SHCBP1: variants seen among roughly 807,000 people sequenced by gnomAD.
SHCBP1 encodes SHC SH2 domain-binding protein 1.
A neutral mutation model predicts 75.1 loss-of-function variants in SHCBP1; 60 were observed. That is an observed-to-expected ratio of 0.80 (90% CI 0.65 to 0.99). The LOEUF (loss-of-function observed/expected upper bound fraction) is 0.99, where lower values mean the gene tolerates loss of function less well. Ranked by LOEUF, SHCBP1 falls within the 50% of genes least tolerant of loss-of-function variation. SHCBP1 has a pLI of 0.00. For synonymous variants in SHCBP1, 290 were observed against 293.2 expected (o/e 0.99, Z 0.11); for missense variants, 709 against 809.4 (o/e 0.88, Z 1.50).
At chr16:46,595,415 A>C in intron 10 of SHCBP1, 137 bp downstream of exon 10, 2 of 745,722 alleles carry the variant, frequency 2.7e-6, no homozygotes, top group South Asian at 3.0e-5. Flanking sequence ...ACCCTTGCAC[A>C]GTTGAGTTTG....
chr16:46,597,484 CTAT>C (rs375861766), intron 9 of SHCBP1, among the ~76,000 whole-genome samples: 16 of 152,304 alleles, frequency 1.1e-4, no homozygotes, highest in South Asian at 1.0e-3. Flanking sequence ...TATAATGCAT[CTAT>C]TAAGTGTACA....
Position 46,599,826 on chromosome 16 carries a change from C to G in SHCBP1, c.1345+5G>C. 6.3e-7 allele frequency: 1 copy of G among 1,597,026 alleles called. No individual in the cohort carries two copies. Among genetic ancestry groups the G allele is most frequent in the Non-Finnish European group, 8.5e-7 (1 of 1,174,174 alleles). On this transcript the variant is annotated splice_donor_5th_base_variant and intron_variant, in intron 9 of 12. Transcript: ENST00000303383. ...AAATGATATACCAAACATTCAGATA[C>G]TTACTTAAGATTCCCTCTACAGCAT...
Position 46,581,946 on chromosome 16 carries a change from C to G in SHCBP1, c.1802G>C (p.Arg601Thr). The G allele has an allele frequency of 6.2e-7, 1 of 1,614,196 alleles. No homozygotes were observed. Among genetic ancestry groups the G allele is most frequent in the Non-Finnish European group, 8.5e-7 (1 of 1,180,026 alleles). Residue 601 changes from arginine to threonine, a missense_variant, in exon 13 of 13, where the codon AGA becomes ACA. By Grantham distance (71) the Arg-to-Thr change is moderately conservative (BLOSUM62 -1). Transcript: ENST00000303383. ...CATGKMELCARTDPSEQVEGN... is the reference protein window; with the variant it reads ...CATGKMELCATTDPSEQVEGN... ...CTCGACTTGCTCAGAAGGGTCAGTT[C>G]TTGCACAAAGCTCCATTTTACCAGT...
At chr16:46,596,744 TGGAGAC>T (rs1031705513) in intron 9 of SHCBP1, among the ~76,000 whole-genome samples, 14 of 150,870 alleles carry the variant, frequency 9.3e-5, no homozygotes, top group African/African-American at 3.4e-4. Context: ...TTTTTTTTTT[TGGAGAC>T]GGAGCCTTGC....
intron 5 of SHCBP1, among the ~76,000 whole-genome samples, chr16:46,607,798 T>C (rs1965347268): frequency 6.6e-6 from 1 of 152,196 alleles, no homozygotes; most frequent in African/African-American, 2.4e-5. Flanking sequence ...TATCCTAAGG[T>C]AGATCTGCTA....
intron 10 of SHCBP1, among the ~76,000 whole-genome samples, chr16:46,587,376 T>C (rs1473014876): frequency 6.6e-6 from 1 of 151,818 alleles, no homozygotes; most frequent in East Asian, 1.9e-4. Context: ...AATCAAGAAA[T>C]GAAAAGCATA....
chr16:46,602,415 T>C (rs184403106), intron 8 of SHCBP1, among the ~76,000 whole-genome samples: 52 of 152,306 alleles, frequency 3.4e-4, no homozygotes, highest in East Asian at 1.2e-3. Context: ...ATAAAGAGCA[T>C]AGCTTAAGCA....
intron 4 of SHCBP1, among the ~76,000 whole-genome samples, chr16:46,610,132 C>T (rs1039877888): frequency 1.1e-4 from 17 of 151,194 alleles, no homozygotes; most frequent in Non-Finnish European, 2.1e-4. Context: ...TTGTATTTTT[C>T]GTAGAGATAG....
intron 9 of SHCBP1, among the ~76,000 whole-genome samples, chr16:46,596,980 G>A (rs1177275642): frequency 2.0e-5 from 3 of 151,696 alleles, no homozygotes; most frequent in Admixed American, 6.6e-5. Context: ...CACCCTCCTC[G>A]GCTGCCCAAA....
At chr16:46,610,716 G>A (rs1317525752) in intron 4 of SHCBP1, among the ~76,000 whole-genome samples, 4 of 151,128 alleles carry the variant, frequency 2.6e-5, no homozygotes, top group Admixed American at 6.6e-5. Flanking sequence ...GCGCTACCAC[G>A]CCCTGCTATT....
At position 46,599,925 on chromosome 16, in the gene SHCBP1, C is replaced by A. The variant is rs200482042; in HGVS notation, c.1251G>T (p.Arg417Ser). Residue 417 changes from arginine to serine, a missense_variant, in exon 9 of 13, where the codon AGG (arginine) becomes AGT (serine). By Grantham distance (110) the Arg-to-Ser change is moderately radical. Coordinates refer to ENST00000303383, the MANE Select transcript of SHCBP1 (RefSeq NM_024745.5). Reference protein sequence around the residue: ...GLPDDIVIEKRGKGDTFVDCT... With the variant: ...GLPDDIVIEKSGKGDTFVDCT... ...AGTCCACAAAAGTGTCGCCTTTGCC[C>A]CTCTTTTCTATCACAATGTCATCTG... 8.1e-6 allele frequency: 13 copies of A among 1,613,336 alleles called. No individual in the cohort carries two copies. In the Admixed American group the frequency reaches 1.2e-4, roughly 15 times the overall value.
In SHCBP1 at chr16:46,609,013, T is replaced by C. The variant is rs531733251; in HGVS notation, c.597-624A>G. On this transcript the variant is annotated intron_variant, in intron 4 of 12. Coordinates refer to ENST00000303383, the MANE Select transcript of SHCBP1 (RefSeq NM_024745.5). ...AGAGAAACAGGTTTGGGATTGAAAA[T>C]AACAGAGGAATATACAGCCCAAAGC... 7.9e-5 allele frequency among the ~76,000 whole-genome samples: 12 copies of C among 152,104 alleles called. No individual in the cohort carries two copies. The South Asian group carries it at 2.5e-3, about 32-fold the overall frequency.
intron 1 of SHCBP1, among the ~76,000 whole-genome samples, chr16:46,619,809 C>A (rs1021135162): frequency 6.6e-6 from 1 of 152,070 alleles, no homozygotes; most frequent in Admixed American, 6.5e-5. Context: ...CCGAGATGGG[C>A]GGATCACCTG....
intron 10 of SHCBP1, among the ~76,000 whole-genome samples, chr16:46,587,098 C>T (rs1488814710): frequency 6.6e-6 from 1 of 151,878 alleles, no homozygotes; most frequent in Non-Finnish European, 1.5e-5. Flanking sequence ...ACATTTGAAA[C>T]AAAAATCATA....
chr16:46,607,158 C>A (rs1965338548), intron 5 of SHCBP1, among the ~76,000 whole-genome samples: 1 of 152,092 alleles, frequency 6.6e-6, no homozygotes, highest in African/African-American at 2.4e-5. Context: ...AGTTCGAGAC[C>A]AGCCTGGCCA....
intron 8 of SHCBP1, 74 bp from the exon 9 acceptor site, chr16:46,600,036 T>C (rs1965209218): frequency 6.5e-7 from 1 of 1,537,454 alleles, no homozygotes; most frequent in Admixed American, 2.1e-5. Flanking sequence ...TAGAACAAGT[T>C]TCTCTAGTTT....
Position 46,581,697 on chromosome 16 carries a change from C to T in SHCBP1, c.*32G>A. 6.3e-7 allele frequency: 1 copy of T among 1,574,940 alleles called. No homozygotes were observed. Among genetic ancestry groups the T allele is most frequent in the Non-Finnish European group, 8.7e-7 (1 of 1,154,382 alleles). On this transcript the variant is annotated 3_prime_UTR_variant, in exon 13 of 13. Transcript: ENST00000303383. Reference sequence around the variant, plus strand: ...TTCTTAGGGCAGCATGTGCAAAATCCAGTATTTTGCTATCTACTTACATCA... The same window carrying T: ...TTCTTAGGGCAGCATGTGCAAAATCTAGTATTTTGCTATCTACTTACATCA...
At chr16:46,592,267 G>C (rs750226862) in intron 10 of SHCBP1, among the ~76,000 whole-genome samples, 4 of 151,934 alleles carry the variant, frequency 2.6e-5, no homozygotes, top group Non-Finnish European at 5.9e-5. Context: ...ATGAAACAGG[G>C]ATCATTACTA....
At chr16:46,583,443 T>G (rs1356612242) in intron 12 of SHCBP1, 73 bp downstream of exon 12, 42 of 1,470,988 alleles carry the variant, frequency 2.9e-5, no homozygotes, top group Middle Eastern at 2.2e-4. Flanking sequence ...AGAGGAAGAC[T>G]CAGATCCTTA....
Sources: gnomAD v4.1 joint callset for allele counts (sites outside exome capture counted in the v4.1 genomes callset) on GRCh38, gnomAD v4.1.1 for gene constraint, MANE v1.5 for transcripts, NCBI Gene and HGNC (gene_info 2026-07-23, HGNC 2026-07-21) for gene names.